The following CADPS variants were observed in gnomAD, a reference collection of about 807,000 sequenced individuals.
The protein encoded by CADPS is calcium-dependent secretion activator 1.
CADPS carries 57 observed loss-of-function variants against 167.3 expected under a neutral mutation model. That is an observed-to-expected ratio of 0.34 (90% CI 0.28 to 0.42). The LOEUF is 0.42. CADPS is among the 20% of genes least tolerant of loss of function. CADPS has a pLI of 1.00. For missense variants in CADPS, 1,414 were observed against 1,738.1 expected (o/e 0.81, Z 3.32); for synonymous variants, 676 against 635.3 (o/e 1.06, Z -0.96).
intron 3 of CADPS, among the ~76,000 whole-genome samples, chr3:62,717,289 T>G (rs1022515191): frequency 1.3e-5 from 2 of 152,196 alleles, no homozygotes; most frequent in South Asian, 4.1e-4. Flanking sequence ...GAAAGATAAA[T>G]GCCAAATGGT....
chr3:62,506,234 A>G (rs2066658398), intron 17 of CADPS, among the ~76,000 whole-genome samples: 1 of 152,020 alleles, frequency 6.6e-6, no homozygotes, highest in Admixed American at 6.6e-5. Context: ...TTAAAAATAC[A>G]AAAGTTAGCT....
chr3:62,631,111 CACACACACACACACACACACACAAATAT>C (rs2065195659), intron 6 of CADPS, among the ~76,000 whole-genome samples: 2 of 68,900 alleles, frequency 2.9e-5, no homozygotes, highest in Non-Finnish European at 5.4e-5. Context: ...CTGTATAATA[CACACACACACACACACACACACAAATAT>C]ACACACACAC....
chr3:62,760,841 C>A (rs543179794), intron 2 of CADPS, among the ~76,000 whole-genome samples: 2 of 152,264 alleles, frequency 1.3e-5, no homozygotes, highest in African/African-American at 4.8e-5. Flanking sequence ...ATAGATGAAA[C>A]CTGCAGTTTT....
Position 62,421,660 on chromosome 3 carries a change from C to T in CADPS, c.3777+16444G>A, listed in dbSNP as rs1204326942. The stretch of plus-strand genomic sequence containing the variant: ...CCTCCTGACGCTTCCCCCTTTTCCC[C>T]CCAAAGGAGGGGGAAGGGGGGACTT... On this transcript the variant is annotated intron_variant, in intron 28 of 29. Coordinates refer to ENST00000383710, the MANE Select transcript of CADPS (RefSeq NM_003716.4). This position sits in a 1 kb window ranked among gnomAD's most constrained non-coding sequence, Gnocchi z 4.7. Among the ~76,000 whole-genome samples, 1 of 152,206 alleles carries T rather than the reference C, an allele frequency of 6.6e-6. No individual in the cohort carries two copies. Among genetic ancestry groups the T allele is most frequent in the Non-Finnish European group, 1.5e-5 (1 of 68,048 alleles).
At chr3:62,472,098 C>T (rs1194884298) in intron 24 of CADPS, among the ~76,000 whole-genome samples, 1 of 152,166 alleles carries the variant, frequency 6.6e-6, no homozygotes, top group Non-Finnish European at 1.5e-5. Context: ...AGAAGCCAGA[C>T]ACAAACGGCC....
At position 62,739,864 on chromosome 3, in the gene CADPS, G is replaced by T. The variant is rs147118484; in HGVS notation, c.888+13577C>A. On this transcript the variant is annotated intron_variant, in intron 3 of 29. Coordinates refer to ENST00000383710, the MANE Select transcript of CADPS (RefSeq NM_003716.4). ...CGATTAGGACAGTTGCCACAGTAAA[G>T]AGAGGTTGGTAGTTAATACTAGAAC... Among the ~76,000 whole-genome samples the T allele has an allele frequency of 1.6e-3, 237 of 152,370 alleles. No individual in the cohort carries two copies. In the Middle Eastern group the frequency reaches 0.037, roughly 24 times the overall value.
At chr3:62,787,391 A>G (rs2092558598) in intron 1 of CADPS, among the ~76,000 whole-genome samples, 1 of 152,202 alleles carries the variant, frequency 6.6e-6, no homozygotes, top group African/African-American at 2.4e-5. Flanking sequence ...ACTGAAGCAT[A>G]TTCAAGCATA....
chr3:62,766,859 C>T (rs1278383241), intron 1 of CADPS, among the ~76,000 whole-genome samples: 1 of 152,154 alleles, frequency 6.6e-6, no homozygotes, highest in Non-Finnish European at 1.5e-5. Flanking sequence ...CTATGTGATT[C>T]CACAGCACAG....
At chr3:62,854,377 C>G (rs1362930443) in intron 1 of CADPS, among the ~76,000 whole-genome samples, 2 of 152,176 alleles carry the variant, frequency 1.3e-5, no homozygotes, top group East Asian at 1.9e-4. Flanking sequence ...TTGGTGCAGT[C>G]AATTTTGCTC....
At position 62,549,930 on chromosome 3, in the gene CADPS, G is replaced by A; in HGVS notation, c.1939C>T (p.Gln647Ter). The A allele has an allele frequency of 1.2e-6, 2 of 1,614,054 alleles. No homozygotes were observed. The highest frequency in any genetic ancestry group is 1.7e-6 in the Non-Finnish European group (2 of 1,179,926). Residue 647 changes from glutamine to a stop codon, truncating the protein, a stop_gained, in exon 11 of 30, where the codon CAG becomes TAG. Coordinates refer to ENST00000383710, the MANE Select transcript of CADPS (RefSeq NM_003716.4). LOFTEE classifies it high-confidence loss of function. ...KLNAKGGNVP[Q>*]LDAPISQFYA... ...AATTGAGAGATAGGGGCATCCAGCTGAGGTACATTTCCTCCCTTGGCGTTG... is the reference window on the plus strand; with the variant it reads ...AATTGAGAGATAGGGGCATCCAGCTAAGGTACATTTCCTCCCTTGGCGTTG...
chr3:62,463,048 T>C (rs1317467803), intron 26 of CADPS, among the ~76,000 whole-genome samples: 1 of 152,192 alleles, frequency 6.6e-6, no homozygotes, highest in Non-Finnish European at 1.5e-5. Flanking sequence ...CGAAGTGTTC[T>C]GCATTACACT....
At chr3:62,512,586 G>T (rs1325428597) in intron 17 of CADPS, among the ~76,000 whole-genome samples, 165 bp downstream of exon 17, 1 of 152,070 alleles carries the variant, frequency 6.6e-6, no homozygotes, top group Non-Finnish European at 1.5e-5. Context: ...CATCAAATGG[G>T]CATGAGATGT....
chr3:62,664,285 C>T (rs1215047593), intron 3 of CADPS, among the ~76,000 whole-genome samples: 5 of 152,218 alleles, frequency 3.3e-5, no homozygotes, highest in African/African-American at 7.2e-5. Context: ...GGATTACAGG[C>T]GTGAGCCACC....
intron 17 of CADPS, among the ~76,000 whole-genome samples, chr3:62,512,096 C>G (rs1440131091): frequency 6.6e-6 from 1 of 152,064 alleles, no homozygotes; most frequent in Non-Finnish European, 1.5e-5. Context: ...TTTTTGACAA[C>G]CCTTTAGACT....
chr3:62,511,662 T>G (rs1014496343), intron 17 of CADPS, among the ~76,000 whole-genome samples: 5 of 152,158 alleles, frequency 3.3e-5, no homozygotes, highest in Admixed American at 2.6e-4. Flanking sequence ...TCTCTCAAGA[T>G]GCAGTTCAAT....
chr3:62,757,383 G>C (rs1056343564), intron 2 of CADPS, among the ~76,000 whole-genome samples: 1 of 152,106 alleles, frequency 6.6e-6, no homozygotes, highest in African/African-American at 2.4e-5. Flanking sequence ...AGGGAGGCAG[G>C]GTAGTCGTTG....
intron 3 of CADPS, among the ~76,000 whole-genome samples, chr3:62,694,819 A>T (rs1177968210): frequency 6.6e-6 from 1 of 152,116 alleles, no homozygotes; most frequent in East Asian, 1.9e-4. Context: ...AGACTCAGTT[A>T]TATTGCTGGT....
intron 1 of CADPS, among the ~76,000 whole-genome samples, chr3:62,868,808 T>TA (rs2082145322): frequency 6.6e-6 from 1 of 152,246 alleles, no homozygotes; most frequent in African/African-American, 2.4e-5. Flanking sequence ...TAAGTCTTGG[T>TA]AAAAAGTAAT....
At chr3:62,621,924 T>G (rs994603680) in intron 6 of CADPS, among the ~76,000 whole-genome samples, 4 of 151,958 alleles carry the variant, frequency 2.6e-5, no homozygotes, top group Non-Finnish European at 5.9e-5. Context: ...TTAGAGTTTT[T>G]ATTTCATCTG....
Sources: gnomAD v4.1 joint callset for allele counts (sites outside exome capture counted in the v4.1 genomes callset) on GRCh38, gnomAD v4.1.1 for gene constraint, Gnocchi (gnomAD v3.1) non-coding constraint, MANE v1.5 for transcripts, NCBI Gene and HGNC (gene_info 2026-07-23, HGNC 2026-07-21) for gene names.